Variants in MYO1B observed in about 807,000 individuals in gnomAD.
MYO1B encodes myosin IB.
Under a neutral mutation model 159.7 loss-of-function variants are expected in MYO1B, and 72 were observed. That is an observed-to-expected ratio of 0.45 (90% CI 0.37 to 0.55). The LOEUF (loss-of-function observed/expected upper bound fraction) is 0.55. Among genes scored for constraint, MYO1B ranks in the 20% least tolerant of loss-of-function variants. The pLI is 0.00. For missense variants in MYO1B, 1,062 were observed against 1,364.8 expected, an observed-to-expected ratio of 0.78 and a Z score of 3.50; for synonymous variants, 468 against 473.8, an observed-to-expected ratio of 0.99 and a Z score of 0.16.
intron 15 of MYO1B, among the ~76,000 whole-genome samples, chr2:191,385,246 A>G (rs1216494031): frequency 6.6e-6 from 1 of 152,232 alleles, no homozygotes; most frequent in Admixed American, 6.5e-5. Flanking sequence ...ATTTTCACTT[A>G]TGTTTAACAT....
intron 13 of MYO1B, among the ~76,000 whole-genome samples, chr2:191,372,963 T>TAC (rs1694467165): frequency 7.9e-6 from 1 of 126,832 alleles, no homozygotes; most frequent in East Asian, 2.8e-4. Context: ...CTCGGCTCAC[T>TAC]ACAACCTCTG....
At chr2:191,296,896 C>G (rs1399253493) in intron 3 of MYO1B, among the ~76,000 whole-genome samples, 2 of 152,166 alleles carry the variant, frequency 1.3e-5, no homozygotes, top group Non-Finnish European at 2.9e-5. Context: ...ATGACTGAAA[C>G]ATAACACTGG....
At chr2:191,298,307 T>G (rs1689105785) in intron 3 of MYO1B, among the ~76,000 whole-genome samples, 1 of 152,260 alleles carries the variant, frequency 6.6e-6, no homozygotes, top group African/African-American at 2.4e-5. Context: ...TTGTTTCATT[T>G]TGCCTTAAGA....
intron 1 of MYO1B, among the ~76,000 whole-genome samples, chr2:191,246,559 C>G (rs1050256586): frequency 2.7e-5 from 4 of 149,012 alleles, no homozygotes; most frequent in Admixed American, 1.3e-4. Context: ...AGCCCCCCCC[C>G]CTTTTTTTTT....
intron 24 of MYO1B, among the ~76,000 whole-genome samples, chr2:191,403,448 T>C (rs1255280453): frequency 6.6e-6 from 1 of 152,200 alleles, no homozygotes; most frequent in Non-Finnish European, 1.5e-5. Flanking sequence ...ATCTTCCAAA[T>C]TCAATAATTA....
At chr2:191,386,971 T>C (rs1389948132) in intron 16 of MYO1B, among the ~76,000 whole-genome samples, 1 of 152,214 alleles carries the variant, frequency 6.6e-6, no homozygotes, top group African/African-American at 2.4e-5. Flanking sequence ...GAAAATGTTA[T>C]GATAACATTT....
At chr2:191,246,218 T>A (rs1184582948) in intron 1 of MYO1B, 2 of 150,984 alleles carry the variant, frequency 1.3e-5, no homozygotes, top group African/African-American at 4.9e-5. Context: ...CTGCCCGGGA[T>A]GGGATTGATT....
chr2:191,302,853 A>G (rs1417796011), intron 3 of MYO1B, among the ~76,000 whole-genome samples: 1 of 152,218 alleles, frequency 6.6e-6, no homozygotes, highest in Non-Finnish European at 1.5e-5. Context: ...AAAATGGGTA[A>G]GCAATTAGTG....
intron 3 of MYO1B, among the ~76,000 whole-genome samples, chr2:191,313,192 C>CTGTTTT (rs1690117216): frequency 7.0e-5 from 3 of 42,992 alleles, no homozygotes; most frequent in Non-Finnish European, 1.1e-4. Context: ...GCACACATGG[C>CTGTTTT]TTTTTTTTTT....
chr2:191,383,404 G>C, intron 15 of MYO1B, 62 bp downstream of exon 15: 1 of 829,464 alleles, frequency 1.2e-6, no homozygotes, highest in Non-Finnish European at 1.7e-6. Context: ...CCTTATAAAT[G>C]TTCTCAGTGC....
At chr2:191,409,339 C>T (rs1468242454) in intron 26 of MYO1B, among the ~76,000 whole-genome samples, 161 bp downstream of exon 26, 1 of 152,222 alleles carries the variant, frequency 6.6e-6, no homozygotes, top group Non-Finnish European at 1.5e-5. Flanking sequence ...TGAGTTTCTA[C>T]GAGAGCCCCT....
intron 3 of MYO1B, among the ~76,000 whole-genome samples, chr2:191,329,684 AT>A (rs1383929959): frequency 6.7e-6 from 1 of 149,226 alleles, no homozygotes; most frequent in African/African-American, 2.4e-5. Context: ...TATATAAAAA[AT>A]AAAGCATATC....
At chr2:191,287,170 A>G (rs1335135534) in intron 2 of MYO1B, among the ~76,000 whole-genome samples, 1 of 152,072 alleles carries the variant, frequency 6.6e-6, no homozygotes, top group Non-Finnish European at 1.5e-5. Flanking sequence ...TGATGTTTTG[A>G]CACACAACCT....
chr2:191,424,047 G>T lies in MYO1B; in HGVS notation c.*87G>T. 7.0e-7 allele frequency: 1 copy of T among 1,437,436 alleles called. No individual in the cohort carries two copies. The highest frequency in any genetic ancestry group is 9.4e-7 in the Non-Finnish European group (1 of 1,066,836). 89.0% of individuals were successfully genotyped at this position (1,437,436 alleles called of 1,614,324 possible). A position where few individuals can be genotyped will look rare whatever the true frequency, so the allele number is the denominator to read the frequency against. On this transcript the variant is annotated 3_prime_UTR_variant, in exon 31 of 31. Transcript: ENST00000392318. ...TTTATTTGGGGTTCATTGTATGTTT[G>T]GGAATCACCAAAGGCTTTTAGAGTT...
intron 5 of MYO1B, 25 bp downstream of exon 5, chr2:191,341,590 T>G (rs1692226594): frequency 6.3e-7 from 1 of 1,576,740 alleles, no homozygotes; most frequent in East Asian, 2.2e-5. Context: ...GTTCATTAAG[T>G]CGGTGTGACT....
chr2:191,316,651 A>G (rs1315321431), intron 3 of MYO1B, among the ~76,000 whole-genome samples: 2 of 152,238 alleles, frequency 1.3e-5, no homozygotes, highest in African/African-American at 4.8e-5. Context: ...GTTTAGCACT[A>G]AAATCTTTGG....
intron 7 of MYO1B, among the ~76,000 whole-genome samples, chr2:191,351,408 A>G (rs1692916246): frequency 1.3e-5 from 2 of 152,116 alleles, no homozygotes; most frequent in African/African-American, 2.4e-5. Context: ...CTAGCAGAAG[A>G]ATGCCATTTG....
At chr2:191,256,994 TC>T (rs1181899575) in intron 1 of MYO1B, among the ~76,000 whole-genome samples, 6 of 152,112 alleles carry the variant, frequency 3.9e-5, no homozygotes, top group African/African-American at 1.4e-4. Context: ...TGTTCTGTGC[TC>T]CCTTAGTGGT....
chr2:191,386,227 A>G (rs1695392708), intron 16 of MYO1B, 143 bp downstream of exon 16: 1 of 697,634 alleles, frequency 1.4e-6, no homozygotes, highest in East Asian at 2.6e-5. Flanking sequence ...TAAATGTTCA[A>G]TAGAAATAGA....
Sources: gnomAD v4.1 joint callset for allele counts (sites outside exome capture counted in the v4.1 genomes callset) on GRCh38, gnomAD v4.1.1 for gene constraint, MANE v1.5 for transcripts, NCBI Gene and HGNC (gene_info 2026-07-23, HGNC 2026-07-21) for gene names.